TBCK: variants seen among roughly 807,000 people sequenced by gnomAD.
TBCK encodes the protein TBC1 domain containing kinase, also known as TBC domain-containing protein kinase-like protein.
A neutral mutation model predicts 113.4 loss-of-function variants in TBCK; 99 were observed. That is an observed-to-expected ratio of 0.87 (90% CI 0.74 to 1.03). The LOEUF is 1.03. TBCK is among the 50% of genes least tolerant of loss of function. The probability of loss-of-function intolerance (pLI) is 0.00; values close to 1 mark genes in which losing one functional copy is unlikely to be tolerated. For missense variants in TBCK, 1,045 were observed against 1,061.3 expected, an observed-to-expected ratio of 0.98 and a Z score of 0.21; for synonymous variants, 369 against 370.8, an observed-to-expected ratio of 1.00 and a Z score of 0.05.
chr4:106,052,355 TG>T (rs1455163696), intron 25 of TBCK, among the ~76,000 whole-genome samples: 2 of 151,854 alleles, frequency 1.3e-5, no homozygotes, highest in Non-Finnish European at 2.9e-5. Context: ...ATGCTAATTA[TG>T]TATTTTTAAA....
intron 14 of TBCK, 23 bp from the exon 15 acceptor site, chr4:106,235,390 A>C: frequency 2.7e-6 from 4 of 1,507,000 alleles, no homozygotes; most frequent in Non-Finnish European, 3.6e-6. Flanking sequence ...AAAAGAAATG[A>C]AAACGTCTCA....
Position 106,182,337 on chromosome 4 carries a change from C to G in TBCK, c.2060-11067G>C, listed in dbSNP as rs566224397. The stretch of plus-strand genomic sequence containing the variant: ...AAACAGAGACAATTTGACTTCCTCT[C>G]TTCCTATATGAATACCCTTTATTTC... On this transcript the variant is annotated intron_variant, in intron 22 of 25. Transcript: ENST00000394708. 5.3e-5 allele frequency: 8 copies of G among 152,168 alleles called. No homozygotes were observed. In the South Asian group the frequency reaches 1.7e-3, roughly 32 times the overall value. 9.4% of individuals were successfully genotyped at this position (152,168 alleles called of 1,614,324 possible). A position where few individuals can be genotyped will look rare whatever the true frequency, so the allele number is the denominator to read the frequency against.
At chr4:106,158,372 G>C (rs755628196) in intron 23 of TBCK, among the ~76,000 whole-genome samples, 7 of 152,004 alleles carry the variant, frequency 4.6e-5, no homozygotes, top group Admixed American at 6.6e-5. Flanking sequence ...GTAAAACCCT[G>C]CTTCTACTAA....
chr4:106,313,528 C>T (rs1768414952), intron 1 of TBCK, among the ~76,000 whole-genome samples: 1 of 152,182 alleles, frequency 6.6e-6, no homozygotes, highest in Non-Finnish European at 1.5e-5. Flanking sequence ...TTTCACTTGC[C>T]TTTTGTGAGC....
intron 25 of TBCK, among the ~76,000 whole-genome samples, chr4:106,087,085 A>C (rs11936261): frequency 0.041 from 6,275 of 152,180 alleles, 434 homozygotes; most frequent in African/African-American, 0.14. Flanking sequence ...CTGGCCAGGG[A>C]AATCAGGCAA....
chr4:106,313,437 G>A (rs1165934762), intron 1 of TBCK, among the ~76,000 whole-genome samples: 1 of 152,032 alleles, frequency 6.6e-6, no homozygotes, highest in East Asian at 1.9e-4. Context: ...AAATACTTTT[G>A]ATTCTATATA....
intron 22 of TBCK, 116 bp downstream of exon 22, chr4:106,193,493 G>A: frequency 9.9e-7 from 1 of 1,014,560 alleles, no homozygotes; most frequent in Non-Finnish European, 1.5e-6. Flanking sequence ...GGATGATGAG[G>A]CCCAAACAGA....
At chr4:106,241,854 T>C (rs978447126) in intron 12 of TBCK, among the ~76,000 whole-genome samples, 1 of 151,860 alleles carries the variant, frequency 6.6e-6, no homozygotes, top group African/African-American at 2.4e-5. Context: ...AGAAAAAATA[T>C]ATCAAAATAT....
intron 21 of TBCK, among the ~76,000 whole-genome samples, chr4:106,194,109 T>A (rs1018447807): frequency 1.2e-4 from 19 of 152,086 alleles, no homozygotes; most frequent in Admixed American, 2.6e-4. Flanking sequence ...GTATCTATTA[T>A]ATTCTCTAAA....
intron 23 of TBCK, among the ~76,000 whole-genome samples, chr4:106,123,437 G>A (rs1744719283): frequency 6.6e-6 from 1 of 152,100 alleles, no homozygotes; most frequent in Non-Finnish European, 1.5e-5. Flanking sequence ...CATGAAAATG[G>A]CCATACTGCC....
chr4:106,194,356 G>A (rs1423986486), intron 21 of TBCK, among the ~76,000 whole-genome samples: 1 of 151,840 alleles, frequency 6.6e-6, no homozygotes, highest in East Asian at 1.9e-4. Flanking sequence ...AATTTCTAGA[G>A]GAATCCTAGT....
chr4:106,265,514 G>A (rs1762915245), intron 3 of TBCK, among the ~76,000 whole-genome samples: 1 of 129,564 alleles, frequency 7.7e-6, no homozygotes, highest in African/African-American at 3.0e-5. Flanking sequence ...CCAGGAGAGA[G>A]AGAGATCCAG....
chr4:106,161,722 GTGTGTGTA>G (rs1378957309), intron 23 of TBCK, among the ~76,000 whole-genome samples: 5 of 149,478 alleles, frequency 3.3e-5, no homozygotes. Context: ...GTGTGTGTGT[GTGTGTGTA>G]TGTGTGTATG....
intron 23 of TBCK, among the ~76,000 whole-genome samples, chr4:106,130,505 A>G (rs1373392544): frequency 6.6e-6 from 1 of 151,946 alleles, no homozygotes; most frequent in Admixed American, 6.6e-5. Context: ...TTCAGGATAT[A>G]TTATTAAGGG....
Position 106,236,756 on chromosome 4 carries a change from C to T in TBCK, c.1220+3G>A. On this transcript the variant is annotated splice_donor_region_variant and intron_variant, in intron 13 of 25. Transcript: ENST00000394708. The stretch of plus-strand genomic sequence containing the variant: ...AATCTAAAATGAGACTACATATACT[C>T]ACTCATCTTCAAGTAATGGGTAAAA... 6.8e-7 allele frequency: 1 copy of T among 1,477,542 alleles called. No individual in the cohort carries two copies. The highest frequency in any genetic ancestry group is 2.2e-5 in the Admixed American group (1 of 45,140). The allele number at this position is 1,477,542 out of a possible 1,614,324, so 91.5% of individuals were successfully genotyped here.
At chr4:106,210,562 T>C (rs1264392983) in intron 20 of TBCK, among the ~76,000 whole-genome samples, 1 of 152,192 alleles carries the variant, frequency 6.6e-6, no homozygotes, top group Non-Finnish European at 1.5e-5. Flanking sequence ...CTCTAAATAA[T>C]GCTAAAACAT....
chr4:106,180,356 G>C (rs1451077262), intron 22 of TBCK, among the ~76,000 whole-genome samples: 1 of 151,668 alleles, frequency 6.6e-6, no homozygotes, highest in African/African-American at 2.4e-5. Context: ...TTTGTGGTTA[G>C]GTGATTTTCT....
intron 3 of TBCK, among the ~76,000 whole-genome samples, chr4:106,279,726 C>A (rs1764390418): frequency 1.3e-5 from 2 of 151,960 alleles, no homozygotes; most frequent in Admixed American, 6.6e-5. Flanking sequence ...ACAAAATGAC[C>A]TTCAGTTTAT....
chr4:106,171,205 T>C lies in TBCK; in HGVS notation c.2125A>G (p.Thr709Ala), dbSNP rs769581714. 8.1e-6 allele frequency: 13 copies of C among 1,612,668 alleles called. No homozygotes were observed. In the Admixed American group the frequency reaches 1.2e-4, roughly 15 times the overall value. Residue 709 changes from threonine to alanine, a missense_variant, in exon 23 of 26, where the codon ACT (threonine) becomes GCT (alanine). Transcript: ENST00000394708. ...GGAGGTTGAGCATGCTGTCTGTAAG[T>C]AGCACTTTTAGGAGTCCAACAAAAC... ...NLFCWTPKSA[T>A]YRQHAQPPKP...
Sources: allele counts gnomAD v4.1 joint callset (sites outside exome capture counted in the v4.1 genomes callset), GRCh38; gene constraint gnomAD v4.1.1; transcripts MANE v1.5; gene names NCBI Gene and HGNC (gene_info 2026-07-23, HGNC 2026-07-21).